The following BCAS1 variants were observed in gnomAD, a reference collection of about 807,000 sequenced individuals.
BCAS1 encodes breast carcinoma-amplified sequence 1.
BCAS1 carries 46 observed loss-of-function variants against 65.4 expected under a neutral mutation model. The ratio of observed to expected loss-of-function variants is 0.70; its 90% CI spans 0.55 to 0.90. The LOEUF (loss-of-function observed/expected upper bound fraction) is 0.90, where lower values mean the gene tolerates loss of function less well. BCAS1 is among the 40% of genes least tolerant of loss of function. The probability of loss-of-function intolerance (pLI) is 0.00; values close to 1 mark genes in which losing one functional copy is unlikely to be tolerated. For missense variants in BCAS1, 793 were observed against 771.2 expected, an observed-to-expected ratio of 1.03 and a Z score of -0.33; for synonymous variants, 298 against 293.5, an observed-to-expected ratio of 1.02 and a Z score of -0.16.
intron 4 of BCAS1, among the ~76,000 whole-genome samples, chr20:54,022,943 T>C (rs1431269184): frequency 1.3e-5 from 2 of 152,230 alleles, no homozygotes; most frequent in Non-Finnish European, 2.9e-5. Context: ...CCCAGTGGTA[T>C]AGCTGAGGAC....
intron 3 of BCAS1, among the ~76,000 whole-genome samples, chr20:54,034,256 C>T (rs2091856597): frequency 1.3e-5 from 2 of 151,262 alleles, no homozygotes; most frequent in African/African-American, 4.8e-5. Flanking sequence ...CACTCCTATT[C>T]AACATAGTAT....
chr20:53,972,567 C>T (rs542858911), intron 9 of BCAS1, among the ~76,000 whole-genome samples: 18 of 152,304 alleles, frequency 1.2e-4, no homozygotes, highest in Admixed American at 2.6e-4. Flanking sequence ...TGGCTGTGTT[C>T]TAATAAAACT....
chr20:54,009,863 C>A (rs1480500065), intron 4 of BCAS1, among the ~76,000 whole-genome samples: 2 of 152,068 alleles, frequency 1.3e-5, no homozygotes, highest in Non-Finnish European at 2.9e-5. Flanking sequence ...AGCAATATGT[C>A]AAAAGAAGTA....
Position 53,995,018 on chromosome 20 carries a change from T to C in BCAS1, c.921A>G (p.Glu307=). 6.2e-7 allele frequency: 1 copy of C among 1,613,512 alleles called. No homozygotes were observed. ...PNKAETKKDP[E]DTASKAESVC... is the part of the protein sequence containing the mutation. ...CACACTTCCAACTACCTACCGTGTCTTCTGGGTCCTTTTTTGTTTCAGCTT... is the reference window on the plus strand; with the variant it reads ...CACACTTCCAACTACCTACCGTGTCCTCTGGGTCCTTTTTTGTTTCAGCTT... The change falls in exon 6 of 13, where the codon GAA becomes GAG. Residue 307 remains glutamate, a synonymous_variant. Coordinates refer to ENST00000688948, the MANE Select transcript of BCAS1 (RefSeq NM_001366298.2).
chr20:54,009,938 G>T (rs2091285009), intron 4 of BCAS1, among the ~76,000 whole-genome samples: 1 of 152,156 alleles, frequency 6.6e-6, no homozygotes. Flanking sequence ...AAAGTCAATT[G>T]ATGTTATCCA....
At chr20:53,984,364 T>C (rs1197098809) in intron 8 of BCAS1, among the ~76,000 whole-genome samples, 3 of 152,238 alleles carry the variant, frequency 2.0e-5, no homozygotes, top group Non-Finnish European at 2.9e-5. Context: ...TAGTGAAGAC[T>C]GTGTTCTGGG....
intron 9 of BCAS1, among the ~76,000 whole-genome samples, chr20:53,968,796 T>C (rs1430814544): frequency 6.6e-6 from 1 of 152,180 alleles, no homozygotes; most frequent in Non-Finnish European, 1.5e-5. Flanking sequence ...AGTCAAGCTG[T>C]CCCATCTAAA....
At position 54,058,709 on chromosome 20, in the gene BCAS1, G is replaced by C; in HGVS notation, c.10C>G (p.Gln4Glu). 1 of 1,574,056 alleles carries C rather than the reference G, an allele frequency of 6.4e-7. No homozygotes were observed. Among genetic ancestry groups the C allele is most frequent in the Non-Finnish European group, 8.6e-7 (1 of 1,158,650 alleles). The change falls in exon 2 of 13, where the codon CAA becomes GAA. Residue 4 changes from glutamine (Q) to glutamate (E), a missense_variant. Physicochemically the swap from Gln to Glu is conservative, Grantham distance 29 (BLOSUM62 2). Coordinates refer to ENST00000688948, the MANE Select transcript of BCAS1 (RefSeq NM_001366298.2). MGN[Q>E]MSVPQRVEDQ... is the part of the protein sequence containing the mutation. Reference sequence around the variant, plus strand: ...TCAACTCTTTGGGGAACACTCATTTGGTTACCCATTGCTCCTATAATGGAG... The same window carrying C: ...TCAACTCTTTGGGGAACACTCATTTCGTTACCCATTGCTCCTATAATGGAG...
At chr20:53,975,147 A>G (rs1468682309) in intron 9 of BCAS1, among the ~76,000 whole-genome samples, 1 of 152,224 alleles carries the variant, frequency 6.6e-6, no homozygotes, top group African/African-American at 2.4e-5. Context: ...TACTGATAAC[A>G]ATTATAAAAA....
intron 12 of BCAS1, 82 bp from the exon 13 acceptor site, chr20:53,945,078 C>T (rs1311393563): frequency 8.5e-7 from 1 of 1,171,522 alleles, no homozygotes; most frequent in Middle Eastern, 1.9e-4. Context: ...GTAGCACTTA[C>T]TCTGTGCTAG....
At chr20:53,967,161 CT>C (rs1358643737) in intron 9 of BCAS1, 88 bp from the exon 10 acceptor site, 4 of 1,354,652 alleles carry the variant, frequency 3.0e-6, no homozygotes, top group Admixed American at 2.0e-5. Context: ...TGTTGCCCCC[CT>C]GTCCACATAG....
At chr20:54,045,003 G>A (rs1434494317) in intron 3 of BCAS1, among the ~76,000 whole-genome samples, 3 of 151,984 alleles carry the variant, frequency 2.0e-5, no homozygotes, top group Non-Finnish European at 2.9e-5. Flanking sequence ...TTGAGCCCAG[G>A]AGTTTGAGAC....
At chr20:54,066,718 G>A (rs931506297) in intron 1 of BCAS1, among the ~76,000 whole-genome samples, 3 of 152,080 alleles carry the variant, frequency 2.0e-5, no homozygotes, top group Non-Finnish European at 4.4e-5. Flanking sequence ...GAAATGCATC[G>A]GCCAGAACCT....
chr20:53,977,677 T>A (rs564887624), intron 8 of BCAS1, among the ~76,000 whole-genome samples: 104 of 152,186 alleles, frequency 6.8e-4, no homozygotes, highest in Middle Eastern at 3.2e-3. Flanking sequence ...CTGAACAGAT[T>A]TTTTAAATCT....
chr20:54,014,240 T>G (rs1163685150), intron 4 of BCAS1, among the ~76,000 whole-genome samples: 1 of 152,264 alleles, frequency 6.6e-6, no homozygotes, highest in Non-Finnish European at 1.5e-5. Context: ...GGAAACTGTT[T>G]TTAAGCAAAC....
At chr20:54,061,500 C>CT (rs1254619633) in intron 1 of BCAS1, among the ~76,000 whole-genome samples, 3 of 152,154 alleles carry the variant, frequency 2.0e-5, no homozygotes, top group African/African-American at 7.2e-5. Context: ...AAAATTAGGA[C>CT]TTTTGATTTC....
rs1391284796 is a variant in BCAS1, at chr20:54,041,908, C to CAAAAAAAAAAAAAAAAAA, written c.143-12937_143-12936insTTTTTTTTTTTTTTTTTT. ...AGTTCAGAGTGAGACTCTGTCTCCCCCAAAAAAAAAAAAAAAAAAAAAAGA... is the reference window on the plus strand; with the variant it reads ...AGTTCAGAGTGAGACTCTGTCTCCCCAAAAAAAAAAAAAAAAAACAAAAAAAAAAAAAAAAAAAAAAGA... On this transcript the variant is annotated intron_variant, in intron 3 of 12. Coordinates refer to ENST00000688948, the MANE Select transcript of BCAS1 (RefSeq NM_001366298.2). Among the ~76,000 whole-genome samples, 169 of 67,310 alleles carry CAAAAAAAAAAAAAAAAAA rather than the reference C, an allele frequency of 2.5e-3. 36 individuals carry two copies. Among genetic ancestry groups the CAAAAAAAAAAAAAAAAAA allele is most frequent in the South Asian group, 4.5e-3 (6 of 1,334 alleles). 44.2% of individuals were successfully genotyped at this position (67,310 alleles called of 152,430 possible).
intron 8 of BCAS1, among the ~76,000 whole-genome samples, chr20:53,979,930 C>A (rs757544590): frequency 8.5e-5 from 13 of 152,094 alleles, no homozygotes; most frequent in Non-Finnish European, 1.6e-4. Context: ...TTGAGTAATT[C>A]TATGTTGCTT....
intron 3 of BCAS1, among the ~76,000 whole-genome samples, chr20:54,053,281 T>A (rs1433568594): frequency 1.3e-5 from 2 of 152,250 alleles, no homozygotes; most frequent in African/African-American, 4.8e-5. Flanking sequence ...AGATCTCCAA[T>A]CCACATGGAT....
Sources: gnomAD v4.1 joint callset for allele counts (sites outside exome capture counted in the v4.1 genomes callset) on GRCh38, gnomAD v4.1.1 for gene constraint, MANE v1.5 for transcripts, NCBI Gene and HGNC (gene_info 2026-07-23, HGNC 2026-07-21) for gene names.